The following NR3C2 variants were observed in gnomAD, a reference collection of about 807,000 sequenced individuals.
NR3C2 encodes nuclear receptor subfamily 3 group C member 2.
In NR3C2, 15 loss-of-function variants were observed where a neutral mutation model predicts 86.4. That is an observed-to-expected ratio of 0.17 (90% CI 0.12 to 0.27). The LOEUF (loss-of-function observed/expected upper bound fraction) is 0.27. Among genes scored for constraint, NR3C2 ranks in the 10% least tolerant of loss-of-function variants. The pLI is 1.00. For synonymous variants in NR3C2, 458 were observed against 450.5 expected, an observed-to-expected ratio of 1.02 and a Z score of -0.21; for missense variants, 960 against 1,195.6, an observed-to-expected ratio of 0.80 and a Z score of 2.91.
At chr4:148,183,631 A>C (rs1735745799) in intron 4 of NR3C2, among the ~76,000 whole-genome samples, 1 of 152,182 alleles carries the variant, frequency 6.6e-6, no homozygotes, top group Non-Finnish European at 1.5e-5. Flanking sequence ...GGACACATGA[A>C]GAGTATGTAT....
intron 3 of NR3C2, among the ~76,000 whole-genome samples, chr4:148,201,481 G>A (rs1483997884): frequency 6.6e-6 from 1 of 152,166 alleles, no homozygotes; most frequent in African/African-American, 2.4e-5. Context: ...TATGCTTATG[G>A]TTTATTTTAA....
intron 2 of NR3C2, among the ~76,000 whole-genome samples, chr4:148,380,823 C>A (rs7698302): frequency 0.22 from 33,716 of 151,996 alleles, 3,875 homozygotes; most frequent in African/African-American, 0.24. Flanking sequence ...CATATTTAGA[C>A]CTCATTAACA....
At chr4:148,395,400 T>C (rs1007803142) in intron 2 of NR3C2, among the ~76,000 whole-genome samples, 3 of 152,102 alleles carry the variant, frequency 2.0e-5, no homozygotes, top group Non-Finnish European at 4.4e-5. Flanking sequence ...AAACATGGCA[T>C]CAGTTAAAGT....
intron 2 of NR3C2, among the ~76,000 whole-genome samples, chr4:148,415,682 A>G (rs1748957364): frequency 6.6e-6 from 1 of 152,198 alleles, no homozygotes; most frequent in South Asian, 2.1e-4. Context: ...ACTGAACAAA[A>G]TGCTCATCAG....
intron 2 of NR3C2, among the ~76,000 whole-genome samples, chr4:148,363,629 G>A (rs1270316676): frequency 6.6e-6 from 1 of 150,688 alleles, no homozygotes; most frequent in African/African-American, 2.4e-5. Flanking sequence ...TCAGCCTCCT[G>A]AGTAGCTGGG....
At chr4:148,269,706 C>T (rs114832800) in intron 2 of NR3C2, among the ~76,000 whole-genome samples, 1,708 of 152,222 alleles carry the variant, frequency 0.011, 33 homozygotes, top group African/African-American at 0.039. Context: ...ATTTATTTGC[C>T]TCTGCAATCT....
intron 3 of NR3C2, among the ~76,000 whole-genome samples, chr4:148,212,393 G>C (rs1281482333): frequency 6.6e-6 from 1 of 152,214 alleles, no homozygotes; most frequent in African/African-American, 2.4e-5. Context: ...CTTAGTGTCT[G>C]AAGTTAGGAC....
chr4:148,277,588 G>GT (rs1251228362), intron 2 of NR3C2, among the ~76,000 whole-genome samples: 1 of 152,052 alleles, frequency 6.6e-6, no homozygotes, highest in Non-Finnish European at 1.5e-5. Flanking sequence ...GGGCAACACA[G>GT]TAAGACCACA....
chr4:148,317,923 C>G (rs1439947840), intron 2 of NR3C2, among the ~76,000 whole-genome samples: 1 of 150,396 alleles, frequency 6.6e-6, no homozygotes, highest in Admixed American at 6.6e-5. Context: ...TGTGCACATT[C>G]TGCAGGTTAG....
chr4:148,371,203 TTTGAG>T (rs1746401904), intron 2 of NR3C2, among the ~76,000 whole-genome samples: 2 of 152,330 alleles, frequency 1.3e-5, no homozygotes, highest in South Asian at 2.1e-4. Flanking sequence ...AATTATACTC[TTTGAG>T]TTATTTTAAT....
At chr4:148,154,474 T>G in intron 5 of NR3C2, 77 bp downstream of exon 5, 7 of 1,279,788 alleles carry the variant, frequency 5.5e-6, no homozygotes, top group Non-Finnish European at 8.0e-6. Context: ...TCCTCCTGCA[T>G]GGTTGGAGAT....
intron 2 of NR3C2, among the ~76,000 whole-genome samples, chr4:148,411,890 C>A (rs1237469791): frequency 1.3e-5 from 2 of 152,184 alleles, no homozygotes; most frequent in Admixed American, 6.5e-5. Flanking sequence ...CCTCTCCTTC[C>A]ACATTCTTCC....
intron 2 of NR3C2, among the ~76,000 whole-genome samples, chr4:148,411,838 C>T (rs1748721565): frequency 6.6e-6 from 1 of 152,214 alleles, no homozygotes; most frequent in South Asian, 2.1e-4. Flanking sequence ...CTTGCTTCCT[C>T]TGCAACACAT....
At chr4:148,188,927 GTTTTT>G (rs770094656) in intron 4 of NR3C2, among the ~76,000 whole-genome samples, 3 of 127,308 alleles carry the variant, frequency 2.4e-5, no homozygotes, top group Admixed American at 1.6e-4. Context: ...ATTTTGCTGA[GTTTTT>G]TTTTTTTTTT....
chr4:148,206,228 C>T (rs186738327), intron 3 of NR3C2, among the ~76,000 whole-genome samples: 1 of 152,254 alleles, frequency 6.6e-6, no homozygotes, highest in East Asian at 1.9e-4. Context: ...TACTCTCTGG[C>T]TCCAAACTTG....
At chr4:148,130,814 GTTTTGTTTTT>G (rs1231763573) in intron 6 of NR3C2, among the ~76,000 whole-genome samples, 95 of 77,044 alleles carry the variant, frequency 1.2e-3, no homozygotes, top group Non-Finnish European at 1.9e-3. Context: ...GTTTTGTTTT[GTTTTGTTTTT>G]TTTTTTTTTT....
intron 3 of NR3C2, chr4:148,200,972 A>C (rs1044237254): frequency 3.9e-5 from 6 of 152,232 alleles, no homozygotes; most frequent in African/African-American, 7.2e-5. Context: ...AGGTTAAAAA[A>C]AGAAAGAGAA....
intron 8 of NR3C2, 140 bp downstream of exon 8, chr4:148,113,964 G>A: frequency 9.9e-7 from 1 of 1,005,452 alleles, no homozygotes; most frequent in Non-Finnish European, 1.5e-6. Context: ...TCAGCCCCTT[G>A]GACATGGCGA....
At chr4:148,292,676 G>C (rs1056792771) in intron 2 of NR3C2, among the ~76,000 whole-genome samples, 14 of 152,100 alleles carry the variant, frequency 9.2e-5, no homozygotes, top group African/African-American at 2.7e-4. Flanking sequence ...GGGGAGTAAG[G>C]AATCAGAATA....
Sources: gnomAD v4.1 joint callset for allele counts (sites outside exome capture counted in the v4.1 genomes callset) on GRCh38, gnomAD v4.1.1 for gene constraint, MANE v1.5 for transcripts, NCBI Gene and HGNC (gene_info 2026-07-23, HGNC 2026-07-21) for gene names.